TRIM16: variants seen among roughly 807,000 people sequenced by gnomAD.
TRIM16 encodes tripartite motif-containing protein 16.
TRIM16 carries 33 observed loss-of-function variants against 50.4 expected under a neutral mutation model. The observed-to-expected ratio is 0.65, with a 90% CI of 0.50 to 0.88. The LOEUF is 0.88. Ranked by LOEUF, TRIM16 falls within the 40% of genes least tolerant of loss-of-function variation. The pLI, the probability that TRIM16 is intolerant of heterozygous loss-of-function variation, is 0.00. For missense variants in TRIM16, 581 were observed against 686.8 expected (o/e 0.85, Z 1.72); for synonymous variants, 229 against 270.7 (o/e 0.85, Z 1.51).
At position 15,638,760 on chromosome 17, in the gene TRIM16, T is replaced by G. The variant is rs548716871; in HGVS notation, c.616-2491A>C. ...ACCCAGATCAAAAAGGGGAGCACAG[T>G]AAGGAAAGGACTCAGAAAGGATGGG... On this transcript the variant is annotated intron_variant, in intron 8 of 11. Transcript: ENST00000649191. Among the ~76,000 whole-genome samples, 621 of 147,094 alleles carry G rather than the reference T, an allele frequency of 4.2e-3. 18 individuals carry two copies. Among genetic ancestry groups the G allele is most frequent in the African/African-American group, 0.015 (577 of 39,528 alleles).
chr17:15,629,207 A>G lies in TRIM16; in HGVS notation c.1112-9T>C. 1.3e-6 allele frequency: 2 copies of G among 1,589,584 alleles called. No homozygotes were observed. The highest frequency in any genetic ancestry group is 1.7e-6 in the Non-Finnish European group (2 of 1,164,958). On this transcript the variant is annotated splice_polypyrimidine_tract_variant and intron_variant, in intron 11 of 11. Transcript: ENST00000649191. ...CGTGATGTCATACGCATCTGAGGAG[A>G]CACAGAAGGCAGGAGAGTGGTTCAG...
chr17:15,677,377 G>A (rs1417740447), intron 5 of TRIM16, 97 bp from the exon 6 acceptor site: 49 of 925,270 alleles, frequency 5.3e-5, no homozygotes, highest in Non-Finnish European at 5.8e-5. Flanking sequence ...AGGAGAAAAC[G>A]AAATAACTAA....
At chr17:15,650,994 T>C (rs1987662621) in intron 7 of TRIM16, 97 bp downstream of exon 7, 4 of 1,489,558 alleles carry the variant, frequency 2.7e-6, no homozygotes, top group Non-Finnish European at 3.6e-6. Flanking sequence ...GCTCAGAGCA[T>C]AGTAGTGGCG....
intron 9 of TRIM16, among the ~76,000 whole-genome samples, 170 bp downstream of exon 9, chr17:15,635,866 C>T (rs921713254): frequency 2.2e-5 from 3 of 138,938 alleles, no homozygotes; most frequent in Non-Finnish European, 3.1e-5. Flanking sequence ...TCCCTCCCTA[C>T]CCCTCCTATA....
intron 4 of TRIM16, among the ~76,000 whole-genome samples, chr17:15,678,957 C>T (rs1989064909): frequency 6.6e-6 from 1 of 150,612 alleles, no homozygotes; most frequent in South Asian, 2.1e-4. Flanking sequence ...CTTACCGCAA[C>T]CTCCATCTCC....
intron 8 of TRIM16, among the ~76,000 whole-genome samples, chr17:15,639,817 G>T (rs1302388812): frequency 2.7e-5 from 4 of 148,992 alleles, no homozygotes. Context: ...CCCCCCAAGT[G>T]GCAAACCTGC....
rs560028798 is a variant in TRIM16 at position 15,651,200 on chromosome 17, G to A, written c.410C>T (p.Pro137Leu). 38 of 1,614,250 alleles carry A rather than the reference G, an allele frequency of 2.4e-5. No homozygotes were observed. In the South Asian group the frequency reaches 4.0e-4, roughly 17 times the overall value. The change falls in exon 7 of 12, where the codon CCA becomes CTA. Residue 137 changes from proline (P) to leucine (L), a missense_variant. Physicochemically the swap from Pro to Leu is moderately conservative, Grantham distance 98 (BLOSUM62 -3). Around this residue, in one of 3 missense-constraint regions of TRIM16, gnomAD observed 450 missense variants for 544.3 expected, o/e 0.83. Transcript: ENST00000649191. ...NWRYCPAHHS[P>L]LSAFCCPDQQ... ...ATCAGGGCAGCAGAAGGCAGACAGT[G>A]GGCTGTGGTGGGCAGGGCAGTATCG...
intron 10 of TRIM16, 130 bp from the exon 11 acceptor site, chr17:15,631,844 A>G (rs1362971384): frequency 3.0e-5 from 23 of 771,032 alleles, no homozygotes; most frequent in Middle Eastern, 2.5e-4. Flanking sequence ...GTAATGTTTC[A>G]CAGAAATACG....
At chr17:15,683,395 C>G in intron 1 of TRIM16, 1 of 390,604 alleles carries the variant, frequency 2.6e-6, no homozygotes, top group Non-Finnish European at 4.7e-6. Flanking sequence ...CAGTTACAGA[C>G]AACAGTAAGG....
chr17:15,668,924 G>C (rs1218172444), intron 6 of TRIM16, among the ~76,000 whole-genome samples: 1 of 151,830 alleles, frequency 6.6e-6, no homozygotes, highest in East Asian at 1.9e-4. Flanking sequence ...AATGTATAAG[G>C]AACTACTCCA....
In TRIM16 at chr17:15,662,292, T is replaced by C. The variant is rs149341080; in HGVS notation, c.-337-10346A>G. Among the ~76,000 whole-genome samples, 4 of 152,332 alleles carry C rather than the reference T, an allele frequency of 2.6e-5. No homozygotes were observed. In the East Asian group the frequency reaches 7.7e-4, roughly 29 times the overall value. On this transcript the variant is annotated intron_variant, in intron 6 of 11. Transcript: ENST00000649191. The stretch of plus-strand genomic sequence containing the variant: ...ATGGAGTCAGAATTTAAATGCACAC[T>C]TGTGACTCCAAAGCTTAAAAAGCTA...
At chr17:15,652,779 G>A (rs1215917418) in intron 6 of TRIM16, among the ~76,000 whole-genome samples, 1 of 151,894 alleles carries the variant, frequency 6.6e-6, no homozygotes, top group Non-Finnish European at 1.5e-5. Context: ...TACTTCTGAT[G>A]CTGACTTTTC....
chr17:15,642,599 G>T lies in TRIM16; in HGVS notation c.615+122C>A, dbSNP rs1383879386. The T allele has an allele frequency of 6.7e-6, 9 of 1,341,788 alleles. 1 individual carries two copies. In the African/African-American group the frequency reaches 7.2e-5, roughly 11 times the overall value. 83.1% of individuals were successfully genotyped at this position (1,341,788 alleles called of 1,614,324 possible). A position where few individuals can be genotyped will look rare whatever the true frequency, so the allele number is the denominator to read the frequency against. Reference sequence around the variant, plus strand: ...CAAGGTGAGGCTACCGCATGGTGTAGTCAACTGTACCTACAATTCTCATTT... The same window carrying T: ...CAAGGTGAGGCTACCGCATGGTGTATTCAACTGTACCTACAATTCTCATTT... On this transcript the variant is annotated intron_variant, in intron 8 of 11. Coordinates refer to ENST00000649191, the MANE Select transcript of TRIM16 (RefSeq NM_001348119.1).
chr17:15,667,946 T>C (rs566648129), intron 6 of TRIM16, among the ~76,000 whole-genome samples: 153 of 152,062 alleles, frequency 1.0e-3, no homozygotes, highest in Non-Finnish European at 1.9e-3. Context: ...ACTGTTCCAC[T>C]CTCAACCCCA....
intron 4 of TRIM16, 147 bp from the exon 5 acceptor site, chr17:15,677,868 C>T (rs771250559): frequency 2.1e-5 from 14 of 652,736 alleles, no homozygotes; most frequent in Non-Finnish European, 2.5e-5. Context: ...GTATACCCCT[C>T]TGACATAATT....
Position 15,677,665 on chromosome 17 carries a change from G to A in TRIM16, c.-533C>T. ...TCCAGTTCTCTCCATTCTTCCTAGT[G>A]AAGTTCACAGCCACATCCTTGAATG... is the stretch of plus-strand genomic sequence containing the variant. On this transcript the variant is annotated 5_prime_UTR_variant, in exon 5 of 12. Coordinates refer to ENST00000649191, the MANE Select transcript of TRIM16 (RefSeq NM_001348119.1). The A allele has an allele frequency of 9.7e-7, 1 of 1,032,612 alleles. No individual in the cohort carries two copies. The highest frequency in any genetic ancestry group is 1.2e-6 in the Non-Finnish European group (1 of 853,540). 64.0% of individuals were successfully genotyped at this position (1,032,612 alleles called of 1,614,324 possible).
chr17:15,631,429 G>C (rs1053848562), intron 11 of TRIM16, among the ~76,000 whole-genome samples, 190 bp downstream of exon 11: 5 of 152,126 alleles, frequency 3.3e-5, no homozygotes, highest in Admixed American at 3.3e-4. Context: ...TAATATTTTT[G>C]TAAGTTTCAT....
chr17:15,650,943 G>T, intron 7 of TRIM16, 148 bp downstream of exon 7: 1 of 1,162,286 alleles, frequency 8.6e-7, no homozygotes, highest in Non-Finnish European at 1.2e-6. Context: ...TATTTACACT[G>T]ACCCAGCAGG....
chr17:15,667,580 A>G (rs1237847363), intron 6 of TRIM16, among the ~76,000 whole-genome samples: 1 of 152,094 alleles, frequency 6.6e-6, no homozygotes, highest in Non-Finnish European at 1.5e-5. Flanking sequence ...TTCCTGATAC[A>G]CATCTATGAT....
Sources: allele counts gnomAD v4.1 joint callset (sites outside exome capture counted in the v4.1 genomes callset), GRCh38; gene constraint gnomAD v4.1.1; regional missense constraint gnomAD v4.1.1; transcripts MANE v1.5; gene names NCBI Gene and HGNC (gene_info 2026-07-23, HGNC 2026-07-21).